GUCY2F: variants seen among roughly 807,000 people sequenced by gnomAD.
GUCY2F encodes guanylate cyclase 2F, retinal, also known as retinal guanylyl cyclase 2.
Under a neutral mutation model 73.1 loss-of-function variants are expected in GUCY2F, and 61 were observed. The ratio of observed to expected loss-of-function variants is 0.83; its 90% CI spans 0.68 to 1.03. The LOEUF (loss-of-function observed/expected upper bound fraction) is 1.03. GUCY2F is among the 50% of genes least tolerant of loss of function. GUCY2F has a pLI of 0.00. For synonymous variants in GUCY2F, 331 were observed against 307.8 expected (o/e 1.08, Z -0.79); for missense variants, 912 against 854.3 (o/e 1.07, Z -0.84).
chrX:109,451,129 T>A (rs1271197016), intron 5 of GUCY2F, among the ~76,000 whole-genome samples: 2 of 111,913 alleles, frequency 1.8e-5, no homozygotes, highest in African/African-American at 6.5e-5. Context: ...GGTTATAATT[T>A]ATTTTATTTT....
intron 9 of GUCY2F, among the ~76,000 whole-genome samples, chrX:109,405,186 C>T (rs1371395190): frequency 9.0e-6 from 1 of 111,600 alleles, no homozygotes; most frequent in Non-Finnish European, 1.9e-5. Flanking sequence ...AACTATGTGA[C>T]AGCATGTATA....
At chrX:109,439,629 T>C (rs1228862408) in intron 7 of GUCY2F, among the ~76,000 whole-genome samples, 3 of 111,494 alleles carry the variant, frequency 2.7e-5, no homozygotes, top group African/African-American at 9.8e-5. Context: ...CCTGAATGCT[T>C]TGCTGCCTAG....
intron 14 of GUCY2F, among the ~76,000 whole-genome samples, chrX:109,390,302 T>C (rs748321861): frequency 9.0e-6 from 1 of 111,656 alleles, no homozygotes; most frequent in East Asian, 2.8e-4. Context: ...GCAGGAAAAC[T>C]GAAACTGAAT....
At chrX:109,429,809 T>C (rs1219675770) in intron 8 of GUCY2F, among the ~76,000 whole-genome samples, 1 of 111,949 alleles carries the variant, frequency 8.9e-6, no homozygotes, top group East Asian at 2.8e-4. Context: ...TCCTTGAACA[T>C]AATTAGTGGG....
chrX:109,409,312 C>G, intron 8 of GUCY2F, 144 bp from the exon 9 acceptor site: 2 of 417,442 alleles, frequency 4.8e-6, no homozygotes, highest in African/African-American at 5.0e-5. Flanking sequence ...GATCTCCAAC[C>G]CCTAGTGTTA....
chrX:109,414,334 C>A (rs916672920), intron 8 of GUCY2F, among the ~76,000 whole-genome samples: 3 of 111,097 alleles, frequency 2.7e-5, no homozygotes, highest in African/African-American at 6.5e-5. Flanking sequence ...TCCTGCATTT[C>A]TTTTTATTTT....
chrX:109,477,452 G>A (rs1325359872), intron 1 of GUCY2F, among the ~76,000 whole-genome samples: 2 of 111,430 alleles, frequency 1.8e-5, no homozygotes, highest in African/African-American at 6.5e-5. Flanking sequence ...GGAGGGCCTA[G>A]GAAAAAAATA....
intron 8 of GUCY2F, among the ~76,000 whole-genome samples, chrX:109,414,519 T>C (rs1334882485): frequency 1.8e-5 from 2 of 111,958 alleles, no homozygotes; most frequent in Non-Finnish European, 3.8e-5. Context: ...AACTTTTTAG[T>C]ACCTATTATT....
chrX:109,446,467 A>G (rs1932013331), intron 6 of GUCY2F, among the ~76,000 whole-genome samples: 2 of 110,623 alleles, frequency 1.8e-5, no homozygotes, highest in African/African-American at 6.7e-5. Context: ...CAGAAATAAT[A>G]CTACACATCT....
At chrX:109,409,724 C>T (rs1007901760) in intron 8 of GUCY2F, among the ~76,000 whole-genome samples, 8 of 111,267 alleles carry the variant, frequency 7.2e-5, no homozygotes, top group African/African-American at 2.0e-4. Flanking sequence ...ATAAGTTTCA[C>T]GAGATCTGAT....
At chrX:109,467,376 G>A (rs780596526) in intron 2 of GUCY2F, among the ~76,000 whole-genome samples, 1 of 112,334 alleles carries the variant, frequency 8.9e-6, no homozygotes, top group Non-Finnish European at 1.9e-5. Flanking sequence ...AAGTAGATCA[G>A]TATTAGCATC....
chrX:109,466,778 A>C (rs1932477402), intron 2 of GUCY2F, among the ~76,000 whole-genome samples: 1 of 112,124 alleles, frequency 8.9e-6, no homozygotes, highest in Non-Finnish European at 1.9e-5. Context: ...TCAAGAACTA[A>C]GGGTGCTTAA....
chrX:109,436,358 C>A (rs1489039454), intron 7 of GUCY2F, among the ~76,000 whole-genome samples: 411 of 110,544 alleles, frequency 3.7e-3, no homozygotes, highest in Non-Finnish European at 4.9e-3. Context: ...TAGTTCAACC[C>A]TTGTGGAAGT....
chrX:109,395,281 G>T, intron 12 of GUCY2F, 60 bp downstream of exon 12: 2 of 1,002,651 alleles, frequency 2.0e-6, no homozygotes, highest in African/African-American at 1.9e-5. Context: ...CAAGGAGTTA[G>T]CCTTGTGTAG....
intron 7 of GUCY2F, among the ~76,000 whole-genome samples, chrX:109,432,776 C>G (rs1931645155): frequency 8.9e-6 from 1 of 112,195 alleles, no homozygotes; most frequent in East Asian, 2.8e-4. Flanking sequence ...CAAATTCTAT[C>G]TGCCCAGTGA....
In GUCY2F at chrX:109,382,218, AAAG is replaced by A. The variant is rs1603378597; in HGVS notation, c.3056-9_3056-7del. 9.2e-7 allele frequency: 1 copy of A among 1,091,288 alleles called. No homozygotes were observed. Among genetic ancestry groups the A allele is most frequent in the South Asian group, 1.9e-5 (1 of 53,050 alleles). The allele number at this position is 1,091,288 out of a possible 1,213,427, so 89.9% of individuals were successfully genotyped here. ...ACTGACATGAATGCGATAAGCTGCA[AAAG>A]AAGGAGAGACATGATTTGGGCTCCT... On this transcript the variant is annotated splice_polypyrimidine_tract_variant and splice_region_variant and intron_variant, in intron 16 of 19. Coordinates refer to ENST00000218006, the MANE Select transcript of GUCY2F (RefSeq NM_001522.3).
At chrX:109,447,034 A>G (rs1932027971) in intron 6 of GUCY2F, among the ~76,000 whole-genome samples, 2 of 112,556 alleles carry the variant, frequency 1.8e-5, no homozygotes, top group South Asian at 7.3e-4. Flanking sequence ...AATGCTCATC[A>G]TCACTAGCCA....
chrX:109,468,586 C>T (rs1302621661), intron 2 of GUCY2F, among the ~76,000 whole-genome samples: 1 of 111,725 alleles, frequency 9.0e-6, no homozygotes, highest in Admixed American at 9.5e-5. Context: ...GTACCTTACC[C>T]TCAACCCTAA....
chrX:109,481,380 A>T (rs777896508), intron 1 of GUCY2F, among the ~76,000 whole-genome samples: 1 of 111,855 alleles, frequency 8.9e-6, no homozygotes, highest in East Asian at 2.8e-4. Context: ...GAGCATAGGG[A>T]TGCATAATTT....
Sources: allele counts gnomAD v4.1 joint callset (sites outside exome capture counted in the v4.1 genomes callset), GRCh38; gene constraint gnomAD v4.1.1; transcripts MANE v1.5; gene names NCBI Gene and HGNC (gene_info 2026-07-23, HGNC 2026-07-21).